CA3: variants seen among roughly 807,000 people sequenced by gnomAD.
The protein encoded by CA3 is CA-III.
A neutral mutation model predicts 35.7 loss-of-function variants in CA3; 30 were observed. The ratio of observed to expected loss-of-function variants is 0.84; its 90% confidence interval spans 0.63 to 1.14. The LOEUF is 1.14. Ranked by LOEUF, CA3 falls within the 50% of genes most tolerant of loss-of-function variation. The probability of loss-of-function intolerance (pLI) is 0.00; values close to 1 mark genes in which losing one functional copy is unlikely to be tolerated. For missense variants in CA3, 295 were observed against 328.5 expected (o/e 0.90, Z 0.79); for synonymous variants, 131 against 130.8 (o/e 1.00, Z -0.01).
chr8:85,447,579 G>T (rs1028052123), intron 6 of CA3, among the ~76,000 whole-genome samples: 3 of 152,186 alleles, frequency 2.0e-5, no homozygotes, highest in Non-Finnish European at 2.9e-5. Context: ...GGGACAGGTT[G>T]TGTGGTTTGC....
intron 6 of CA3, among the ~76,000 whole-genome samples, 158 bp from the exon 7 acceptor site, chr8:85,447,876 G>A (rs1811313343): frequency 6.6e-6 from 1 of 152,106 alleles, no homozygotes; most frequent in African/African-American, 2.4e-5. Flanking sequence ...CTCCAGCCTG[G>A]CTACAGAGCG....
rs1470154540 is a variant in CA3, at chr8:85,438,867, G to A, written c.-43G>A. 2 of 1,550,206 alleles carry A rather than the reference G, an allele frequency of 1.3e-6. No homozygotes were observed. The highest frequency in any genetic ancestry group is 3.9e-5 in the Admixed American group (2 of 51,012). Reference sequence around the variant, plus strand: ...CTCGCGGCGACTCTGCACCACGCAGGGGAAGAGAAAGCAGGAGCCGTCCAG... The same window carrying A: ...CTCGCGGCGACTCTGCACCACGCAGAGGAAGAGAAAGCAGGAGCCGTCCAG... On this transcript the variant is annotated 5_prime_UTR_variant, in exon 1 of 7. Transcript: ENST00000285381.
intron 5 of CA3, 59 bp downstream of exon 5, chr8:85,445,277 C>T (rs1811270460): frequency 1.7e-6 from 2 of 1,156,956 alleles, no homozygotes; most frequent in East Asian, 2.4e-5. Context: ...ATTTTCTTTA[C>T]ATATTTTCAA....
chr8:85,443,772 G>C (rs1219204342), intron 3 of CA3, among the ~76,000 whole-genome samples: 1 of 152,182 alleles, frequency 6.6e-6, no homozygotes, highest in African/African-American at 2.4e-5. Context: ...TGGTGCTCAT[G>C]TTCTAAATTA....
rs78400724 is a variant in CA3, at chr8:85,438,946, G to A, written c.34+3G>A. On this transcript the variant is annotated splice_donor_region_variant and intron_variant, in intron 1 of 6. Coordinates refer to ENST00000285381, the MANE Select transcript of CA3 (RefSeq NM_005181.4). ...GTGGGGCTACGCCAGTCACAACGGT[G>A]AGTGCAGGCAGCCGCGACCCGGCCA... 7,355 of 1,551,180 alleles carry A rather than the reference G, an allele frequency of 4.7e-3. 330 individuals are homozygous for A. The African/African-American group carries it at 0.089, about 19-fold the overall frequency.
intron 1 of CA3, 103 bp downstream of exon 1, chr8:85,439,046 T>C: frequency 8.6e-7 from 1 of 1,163,732 alleles, no homozygotes; most frequent in South Asian, 1.3e-5. Flanking sequence ...GTGGAAAATG[T>C]AGGAGTAGAA....
Position 85,444,020 on chromosome 8 carries a change from T to C in CA3, c.352-14T>C, listed in dbSNP as rs745321547. 50 of 1,563,828 alleles carry C rather than the reference T, an allele frequency of 3.2e-5. No individual in the cohort carries two copies. The highest frequency in any genetic ancestry group is 4.1e-5 in the Non-Finnish European group (47 of 1,134,378). The stretch of plus-strand genomic sequence containing the variant: ...CCAGGAATTTACCTTCTAATCTGTC[T>C]TCTATGGTTTCAGCTTCATTTGGTT... On this transcript the variant is annotated splice_polypyrimidine_tract_variant and intron_variant, in intron 3 of 6. Transcript: ENST00000285381.
At chr8:85,443,876 T>C (rs1811240652) in intron 3 of CA3, among the ~76,000 whole-genome samples, 158 bp from the exon 4 acceptor site, 1 of 152,240 alleles carries the variant, frequency 6.6e-6, no homozygotes, top group African/African-American at 2.4e-5. Flanking sequence ...CTAGAAATGT[T>C]ACCAAAATGT....
intron 1 of CA3, 23 bp downstream of exon 1, chr8:85,438,966 C>G: frequency 6.4e-7 from 1 of 1,550,830 alleles, no homozygotes; most frequent in Middle Eastern, 1.7e-4. Flanking sequence ...AGCCGCGACC[C>G]GGCCAGGAAG....
chr8:85,446,086 G>C, intron 5 of CA3, 56 bp from the exon 6 acceptor site: 1 of 1,463,126 alleles, frequency 6.8e-7, no homozygotes, highest in Non-Finnish European at 9.2e-7. Context: ...GGGCATTGGG[G>C]TGGGTGGGCA....
chr8:85,444,368 GGT>G (rs3830363), intron 4 of CA3, among the ~76,000 whole-genome samples: 1 of 151,552 alleles, frequency 6.6e-6, no homozygotes, highest in Non-Finnish European at 1.5e-5. Flanking sequence ...AGATGTGGGA[GGT>G]GTGTGTGTGT....
Position 85,448,230 on chromosome 8 carries a change from C to T in CA3, c.*77C>T, listed in dbSNP as rs1586001778. 4.7e-6 allele frequency: 1 copy of T among 211,876 alleles called. No homozygotes were observed. The highest frequency in any genetic ancestry group is 5.2e-5 in the South Asian group (1 of 19,188). 13.1% of individuals were successfully genotyped at this position (211,876 alleles called of 1,614,324 possible). A position where few individuals can be genotyped will look rare whatever the true frequency, so the allele number is the denominator to read the frequency against. On this transcript the variant is annotated 3_prime_UTR_variant, in exon 7 of 7. Coordinates refer to ENST00000285381, the MANE Select transcript of CA3 (RefSeq NM_005181.4). The stretch of plus-strand genomic sequence containing the variant: ...TGGTTCCTTGCCTCCTTCTGGTGCT[C>T]CTTACTCCAAGTCTATTTCATTTTT...
intron 1 of CA3, among the ~76,000 whole-genome samples, chr8:85,439,183 A>G (rs1811171030): frequency 6.6e-6 from 1 of 152,178 alleles, no homozygotes; most frequent in African/African-American, 2.4e-5. Flanking sequence ...AGTGCAGAGA[A>G]GTTGGATCAC....
At position 85,448,666 on chromosome 8, in the gene CA3, T is replaced by G. The variant is rs1811328470; in HGVS notation, c.*513T>G. 1 of 152,236 alleles carries G rather than the reference T, an allele frequency of 6.6e-6. No individual in the cohort carries two copies. The highest frequency in any genetic ancestry group is 2.4e-5 in the African/African-American group (1 of 41,470). The allele number at this position is 152,236 out of a possible 1,614,324, so 9.4% of individuals were successfully genotyped here. On this transcript the variant is annotated 3_prime_UTR_variant, in exon 7 of 7. Coordinates refer to ENST00000285381, the MANE Select transcript of CA3 (RefSeq NM_005181.4). ...GCAAGAATTGAGCTAATAATATGTT[T>G]TAACTCTTAACACCAGCAAGAAGTC...
chr8:85,446,071 G>A lies in CA3; in HGVS notation c.508-71G>A, dbSNP rs138365389. The A allele has an allele frequency of 8.5e-4, 1,105 of 1,304,806 alleles. 14 individuals are homozygous for A. In the East Asian group the frequency reaches 0.027, roughly 31 times the overall value. The allele number at this position is 1,304,806 out of a possible 1,614,324, so 80.8% of individuals were successfully genotyped here. On this transcript the variant is annotated intron_variant, in intron 5 of 6. Transcript: ENST00000285381. ...TGAAATTCATTCTTACAAATAAAGT[G>A]GTGAGGGCATTGGGGTGGGTGGGCA... is the stretch of plus-strand genomic sequence containing the variant.
intron 2 of CA3, among the ~76,000 whole-genome samples, chr8:85,441,075 C>A (rs1041547817): frequency 7.2e-5 from 11 of 152,156 alleles, no homozygotes; most frequent in African/African-American, 2.7e-4. Context: ...ATGAATTGAA[C>A]CACTCCATTT....
Position 85,448,340 on chromosome 8 carries a change from T to C in CA3, c.*187T>C, listed in dbSNP as rs1315381805. On this transcript the variant is annotated 3_prime_UTR_variant, in exon 7 of 7. Transcript: ENST00000285381. ...GAAAGTTACTTTCGACAAGATCTAA[T>C]ATGAAAGCATAGATTTCACATTTGA... The C allele has an allele frequency of 2.2e-6, 1 of 455,834 alleles. No homozygotes were observed. The highest frequency in any genetic ancestry group is 3.8e-6 in the Non-Finnish European group (1 of 266,602). 28.2% of individuals were successfully genotyped at this position (455,834 alleles called of 1,614,324 possible).
intron 4 of CA3, among the ~76,000 whole-genome samples, 176 bp downstream of exon 4, chr8:85,444,302 C>T (rs1173258619): frequency 6.6e-6 from 1 of 152,178 alleles, no homozygotes; most frequent in Non-Finnish European, 1.5e-5. Context: ...TTACTTTTCT[C>T]TAAAAGTGTA....
intron 6 of CA3, among the ~76,000 whole-genome samples, 180 bp from the exon 7 acceptor site, chr8:85,447,853 TC>T (rs1811313043): frequency 6.6e-6 from 1 of 151,982 alleles, no homozygotes; most frequent in African/African-American, 2.4e-5. Flanking sequence ...TGAGCCAAGA[TC>T]ACACCACTGC....
Sources: allele counts gnomAD v4.1 joint callset (sites outside exome capture counted in the v4.1 genomes callset), GRCh38; gene constraint gnomAD v4.1.1; transcripts MANE v1.5; gene names NCBI Gene and HGNC (gene_info 2026-07-23, HGNC 2026-07-21).